Variants in DPP10 observed in about 807,000 individuals in gnomAD.
The protein encoded by DPP10 is inactive dipeptidyl peptidase 10.
Under a neutral mutation model 120.9 loss-of-function variants are expected in DPP10, and 33 were observed. The observed-to-expected ratio is 0.27, with a 90% CI of 0.21 to 0.37. The LOEUF is 0.37. DPP10 is among the 10% of genes least tolerant of loss of function. The pLI is 1.00. For synonymous variants in DPP10, 337 were observed against 326.1 expected, an observed-to-expected ratio of 1.03 and a Z score of -0.36; for missense variants, 816 against 942.8, an observed-to-expected ratio of 0.87 and a Z score of 1.76.
At chr2:114,841,840 G>T (rs902661114) in intron 1 of DPP10, among the ~76,000 whole-genome samples, 1 of 152,050 alleles carries the variant, frequency 6.6e-6, no homozygotes, top group African/African-American at 2.4e-5. Flanking sequence ...AAGAAGAATT[G>T]GTTAGGTGGA....
intron 1 of DPP10, chr2:115,233,891 C>T (rs1252718129): frequency 2.0e-6 from 1 of 511,840 alleles, no homozygotes; most frequent in African/African-American, 1.9e-5. Flanking sequence ...TCACCTGTCT[C>T]TCCCTTAGCC....
At chr2:115,200,998 G>A (rs1185006166) in intron 1 of DPP10, among the ~76,000 whole-genome samples, 2 of 152,136 alleles carry the variant, frequency 1.3e-5, no homozygotes, top group Non-Finnish European at 1.5e-5. Flanking sequence ...AGACTTCCAT[G>A]TTCCTCAATT....
intron 1 of DPP10, among the ~76,000 whole-genome samples, chr2:114,622,412 T>C (rs1259980551): frequency 6.6e-6 from 1 of 151,986 alleles, no homozygotes; most frequent in Non-Finnish European, 1.5e-5. Context: ...CTATCTTTTT[T>C]TTTTTTTTGC....
At chr2:115,437,505 T>G (rs1041816992) in intron 3 of DPP10, among the ~76,000 whole-genome samples, 1 of 152,026 alleles carries the variant, frequency 6.6e-6, no homozygotes, top group Non-Finnish European at 1.5e-5. Context: ...TTAAGTTAAG[T>G]GTGTTACTCA....
Position 115,450,931 on chromosome 2 carries a change from G to T in DPP10, c.272-48579G>T, listed in dbSNP as rs547135307. ...CAGACTGCTGTTTAGTTTATAAAAT[G>T]CTGTTTTTCAGTTAATATTAAATTC... is the stretch of plus-strand genomic sequence containing the variant. On this transcript the variant is annotated intron_variant, in intron 3 of 25. Transcript: ENST00000410059. Among the ~76,000 whole-genome samples, 41 of 151,912 alleles carry T rather than the reference G, an allele frequency of 2.7e-4. No homozygotes were observed. In the East Asian group the frequency reaches 6.4e-3, roughly 24 times the overall value.
chr2:115,374,651 TC>T (rs1391995583), intron 3 of DPP10, among the ~76,000 whole-genome samples: 6 of 152,204 alleles, frequency 3.9e-5, no homozygotes, highest in Non-Finnish European at 8.8e-5. Flanking sequence ...TGCCTGGACA[TC>T]CAGGCGTTTC....
chr2:115,790,831 G>C (rs1038165796), intron 17 of DPP10, among the ~76,000 whole-genome samples: 18 of 152,090 alleles, frequency 1.2e-4, no homozygotes, highest in Admixed American at 7.2e-4. Flanking sequence ...TCTTAAGCAG[G>C]TTAACAATAT....
At chr2:115,050,477 C>T (rs1257443397) in intron 1 of DPP10, among the ~76,000 whole-genome samples, 1 of 152,054 alleles carries the variant, frequency 6.6e-6, no homozygotes, top group Middle Eastern at 3.2e-3. Flanking sequence ...GAGGTTGCTA[C>T]CCCAAGGATG....
chr2:115,611,236 A>G (rs1439325758), intron 5 of DPP10, among the ~76,000 whole-genome samples: 1 of 152,194 alleles, frequency 6.6e-6, no homozygotes, highest in East Asian at 1.9e-4. Flanking sequence ...TGTATTCTTC[A>G]CTTTTGAAGA....
intron 1 of DPP10, among the ~76,000 whole-genome samples, chr2:114,910,547 A>G (rs1459965453): frequency 6.6e-6 from 1 of 152,092 alleles, no homozygotes; most frequent in Non-Finnish European, 1.5e-5. Flanking sequence ...TAATCTAATA[A>G]TATTTTTACT....
chr2:114,770,979 C>T (rs2106149861), intron 1 of DPP10, among the ~76,000 whole-genome samples: 1 of 152,276 alleles, frequency 6.6e-6, no homozygotes, highest in African/African-American at 2.4e-5. Flanking sequence ...GTTTTATTGT[C>T]AGATACACTA....
chr2:115,310,560 G>C (rs2061535912), intron 2 of DPP10, among the ~76,000 whole-genome samples: 1 of 152,060 alleles, frequency 6.6e-6, no homozygotes, highest in South Asian at 2.1e-4. Flanking sequence ...AAGGAGGAGA[G>C]AAAGGTAATT....
intron 1 of DPP10, among the ~76,000 whole-genome samples, chr2:114,478,175 A>G (rs1325533814): frequency 6.6e-6 from 1 of 152,048 alleles, no homozygotes; most frequent in African/African-American, 2.4e-5. Flanking sequence ...ATTTTCAACA[A>G]TATGTTAGCA....
intron 1 of DPP10, among the ~76,000 whole-genome samples, chr2:114,602,354 T>C (rs1292580549): frequency 6.6e-6 from 1 of 151,862 alleles, no homozygotes; most frequent in Admixed American, 6.6e-5. Flanking sequence ...AATTTGTGTG[T>C]AGCATTTATT....
At chr2:115,786,830 A>G (rs1289420647) in intron 17 of DPP10, among the ~76,000 whole-genome samples, 8 of 152,240 alleles carry the variant, frequency 5.3e-5, no homozygotes, top group Non-Finnish European at 8.8e-5. Flanking sequence ...CTGGAAATGA[A>G]GAAGCCACAT....
At chr2:115,320,309 A>G (rs1386717725) in intron 2 of DPP10, among the ~76,000 whole-genome samples, 2 of 152,136 alleles carry the variant, frequency 1.3e-5, no homozygotes, top group African/African-American at 4.8e-5. Context: ...TGCCATTTTC[A>G]GCCTTTTGAA....
chr2:115,520,236 T>A (rs1477210857), intron 4 of DPP10, among the ~76,000 whole-genome samples: 2 of 152,160 alleles, frequency 1.3e-5, no homozygotes, highest in African/African-American at 2.4e-5. Flanking sequence ...GAGAACTGCA[T>A]GAACCTGGGA....
intron 1 of DPP10, among the ~76,000 whole-genome samples, chr2:115,158,803 A>G (rs1480469232): frequency 6.6e-6 from 1 of 152,134 alleles, no homozygotes; most frequent in Non-Finnish European, 1.5e-5. Context: ...TTTTTTTTAA[A>G]AAACTCTCTT....
intron 1 of DPP10, among the ~76,000 whole-genome samples, chr2:114,505,051 CAAAA>C (rs3061538): frequency 0.038 from 1,681 of 44,782 alleles, 18 homozygotes; most frequent in African/African-American, 0.1. Flanking sequence ...GACTCTGTCT[CAAAA>C]AAAAAAAAAA....
Sources: gnomAD v4.1 joint callset for allele counts (sites outside exome capture counted in the v4.1 genomes callset) on GRCh38, gnomAD v4.1.1 for gene constraint, MANE v1.5 for transcripts, NCBI Gene and HGNC (gene_info 2026-07-23, HGNC 2026-07-21) for gene names.